The following AGTPBP1 variants were observed in gnomAD, a reference collection of about 807,000 sequenced individuals.
AGTPBP1 encodes ATP/GTP binding carboxypeptidase 1, also known as cytosolic carboxypeptidase 1.
AGTPBP1 carries 70 observed loss-of-function variants against 143.9 expected under a neutral mutation model. The observed-to-expected ratio is 0.49, with a 90% CI of 0.40 to 0.59. The LOEUF (loss-of-function observed/expected upper bound fraction) is 0.59. Among genes scored for constraint, AGTPBP1 ranks in the 20% least tolerant of loss-of-function variants. AGTPBP1 has a pLI of 0.00. For synonymous variants in AGTPBP1, 463 were observed against 500.2 expected, an observed-to-expected ratio of 0.93 and a Z score of 0.99; for missense variants, 1,229 against 1,464.5, an observed-to-expected ratio of 0.84 and a Z score of 2.62.
intron 12 of AGTPBP1, 135 bp from the exon 13 acceptor site, chr9:85,643,078 A>T: frequency 1.6e-6 from 1 of 618,334 alleles, no homozygotes. Context: ...ATACTGCATT[A>T]ATTTTATCTT....
At chr9:85,796,952 A>G in the AGTPBP1 span, among the ~76,000 whole-genome samples, 1 of 151,598 alleles carries the variant, frequency 6.6e-6, no homozygotes. Flanking sequence ...ACACCCGCCT[A>G]ATTTTTTTAT....
At chr9:85,749,918 G>A in the AGTPBP1 span, among the ~76,000 whole-genome samples, 2 of 145,794 alleles carry the variant, frequency 1.4e-5, no homozygotes, top group African/African-American at 5.1e-5. Context: ...GTCTCTCTTT[G>A]TTGCCCAGGC....
At chr9:85,676,330 T>C (rs527293143) in intron 6 of AGTPBP1, among the ~76,000 whole-genome samples, 4 of 151,716 alleles carry the variant, frequency 2.6e-5, no homozygotes, top group South Asian at 2.1e-4. Context: ...CCAGAATATA[T>C]AAGGAACTCA....
At chr9:85,548,610 C>G (rs1397623537) in intron 25 of AGTPBP1, among the ~76,000 whole-genome samples, 1 of 149,962 alleles carries the variant, frequency 6.7e-6, no homozygotes, top group Non-Finnish European at 1.5e-5. Flanking sequence ...TAGTATGAAT[C>G]TGTTAGGTCA....
At chr9:85,608,682 A>C (rs1766338493) in intron 17 of AGTPBP1, among the ~76,000 whole-genome samples, 1 of 152,112 alleles carries the variant, frequency 6.6e-6, no homozygotes, top group Non-Finnish European at 1.5e-5. Flanking sequence ...AGATGATATA[A>C]GTAATATATC....
intron 25 of AGTPBP1, among the ~76,000 whole-genome samples, chr9:85,548,148 A>AT (rs1308807413): frequency 6.6e-6 from 1 of 152,246 alleles, no homozygotes; most frequent in Non-Finnish European, 1.5e-5. Context: ...AGGATTTCCT[A>AT]TAACTGATGC....
rs545736206 is a variant in AGTPBP1 at position 85,678,473 on chromosome 9, C to T, written c.226-75G>A. The T allele has an allele frequency of 1.2e-3, 1,094 of 913,230 alleles. 4 individuals are homozygous for T. Among genetic ancestry groups the T allele is most frequent in the Non-Finnish European group, 1.6e-3 (957 of 608,438 alleles). The allele number at this position is 913,230 out of a possible 1,614,324, so 56.6% of individuals were successfully genotyped here. ...AGACTTTTGAATCCACTGGGAACTA[C>T]CTATATTTTACAAATGACCTTTCCA... is the stretch of plus-strand genomic sequence containing the variant. On this transcript the variant is annotated intron_variant, in intron 4 of 25. Coordinates refer to ENST00000357081, the MANE Select transcript of AGTPBP1 (RefSeq NM_001330701.2).
At chr9:85,596,659 T>G (rs533606530) in intron 17 of AGTPBP1, among the ~76,000 whole-genome samples, 1 of 152,176 alleles carries the variant, frequency 6.6e-6, no homozygotes, top group African/African-American at 2.4e-5. Flanking sequence ...TAATACAGGA[T>G]TACAACTTTA....
chr9:85,750,991 G>A, the AGTPBP1 span, among the ~76,000 whole-genome samples: 1 of 152,180 alleles, frequency 6.6e-6, no homozygotes, highest in Non-Finnish European at 1.5e-5. Context: ...GAGTCCAACT[G>A]GGGTCTCTTT....
At chr9:85,592,510 CCATT>C in intron 19 of AGTPBP1, 46 bp downstream of exon 19, 1 of 1,300,576 alleles carries the variant, frequency 7.7e-7, no homozygotes, top group Non-Finnish European at 1.0e-6. Context: ...CAATTTTCTT[CCATT>C]ATCTTATACA....
chr9:85,578,963 G>T lies in AGTPBP1; in HGVS notation c.3299C>A (p.Thr1100Asn). 6.2e-7 allele frequency: 1 copy of T among 1,613,176 alleles called. No homozygotes were observed. Among genetic ancestry groups the T allele is most frequent in the Non-Finnish European group, 8.5e-7 (1 of 1,179,636 alleles). Residue 1100 changes from threonine to asparagine, a missense_variant, in exon 24 of 26, where the codon ACC becomes AAC. Around this residue, in one of 2 missense-constraint regions of AGTPBP1, gnomAD observed 486 missense variants for 652.3 expected, o/e 0.75. Coordinates refer to ENST00000357081, the MANE Select transcript of AGTPBP1 (RefSeq NM_001330701.2). ...ACAGCCACATAAAGTACTCTCCATGGTATAACTTCTTTGTACTCCTATTTC... is the reference window on the plus strand; with the variant it reads ...ACAGCCACATAAAGTACTCTCCATGTTATAACTTCTTTGTACTCCTATTTC... The part of the protein sequence containing the change: ...WREIGVQRSY[T>N]MESTLCGCDQ...
chr9:85,723,973 C>T (rs990083200), intron 1 of AGTPBP1, among the ~76,000 whole-genome samples: 5 of 152,292 alleles, frequency 3.3e-5, no homozygotes, highest in Middle Eastern at 3.4e-3. Flanking sequence ...CTTAAACTTT[C>T]CAGCCACCAG....
the AGTPBP1 span, among the ~76,000 whole-genome samples, chr9:85,789,323 A>G: frequency 6.6e-6 from 1 of 152,082 alleles, no homozygotes; most frequent in African/African-American, 2.4e-5. Context: ...AGGCAAGTAA[A>G]ATTATTTTTT....
chr9:85,708,796 A>AC (rs1837183480), intron 2 of AGTPBP1, among the ~76,000 whole-genome samples: 1 of 152,332 alleles, frequency 6.6e-6, no homozygotes, highest in African/African-American at 2.4e-5. Context: ...TCGGCCTCCC[A>AC]AAGTGCTGGG....
At chr9:85,684,106 T>C (rs141496526) in intron 3 of AGTPBP1, among the ~76,000 whole-genome samples, 3 of 152,322 alleles carry the variant, frequency 2.0e-5, no homozygotes, top group Non-Finnish European at 4.4e-5. Context: ...CTTTCACTTA[T>C]CTTAGCTCAC....
At chr9:85,799,622 C>T in the AGTPBP1 span, among the ~76,000 whole-genome samples, 1 of 152,250 alleles carries the variant, frequency 6.6e-6, no homozygotes, top group African/African-American at 2.4e-5. Flanking sequence ...CTCAAATTAT[C>T]CTCCAGCCTC....
intron 17 of AGTPBP1, among the ~76,000 whole-genome samples, chr9:85,614,687 T>C (rs1459521649): frequency 3.3e-5 from 5 of 152,142 alleles, no homozygotes; most frequent in Non-Finnish European, 7.4e-5. Context: ...TGTTAGACTA[T>C]ATTTTAAAGT....
chr9:85,692,858 G>A (rs200625298), intron 2 of AGTPBP1, 45 bp from the exon 3 acceptor site: 59 of 1,592,888 alleles, frequency 3.7e-5, no homozygotes, highest in Non-Finnish European at 4.3e-5. Context: ...AATCAATGGT[G>A]TAAATTCAAT....
upstream of AGTPBP1, among the ~76,000 whole-genome samples, chr9:85,743,290 G>A (rs1368752356): frequency 1.3e-5 from 2 of 152,194 alleles, no homozygotes; most frequent in African/African-American, 4.8e-5. Context: ...GTGGATGTGT[G>A]TGTTTGTGGA....
Sources: allele counts gnomAD v4.1 joint callset (sites outside exome capture counted in the v4.1 genomes callset), GRCh38; gene constraint gnomAD v4.1.1; regional missense constraint gnomAD v4.1.1; transcripts MANE v1.5; gene names NCBI Gene and HGNC (gene_info 2026-07-23, HGNC 2026-07-21).